Variants in RBMS3 observed in about 807,000 individuals in gnomAD.
The protein encoded by RBMS3 is RNA-binding motif, single-stranded-interacting protein 3.
RBMS3 carries 27 observed loss-of-function variants against 66.8 expected under a neutral mutation model. The ratio of observed to expected loss-of-function variants is 0.40; its 90% CI spans 0.30 to 0.56. The LOEUF (loss-of-function observed/expected upper bound fraction) is 0.56. RBMS3 is among the 20% of genes least tolerant of loss of function. The probability of loss-of-function intolerance (pLI) is 0.40; values close to 1 mark genes in which losing one functional copy is unlikely to be tolerated. For missense variants in RBMS3, 513 were observed against 549.5 expected, an observed-to-expected ratio of 0.93 and a Z score of 0.66; for synonymous variants, 188 against 183.0, an observed-to-expected ratio of 1.03 and a Z score of -0.22.
At chr3:29,327,389 G>A (rs148370707) in intron 1 of RBMS3, among the ~76,000 whole-genome samples, 21 of 152,236 alleles carry the variant, frequency 1.4e-4, no homozygotes, top group Non-Finnish European at 2.8e-4. Context: ...AATTGTAAAA[G>A]TTAAGGCTAC....
intron 14 of RBMS3, among the ~76,000 whole-genome samples, chr3:29,995,350 A>G (rs1699152011): frequency 6.6e-6 from 1 of 152,238 alleles, no homozygotes; most frequent in Non-Finnish European, 1.5e-5. Context: ...GCAGGATATT[A>G]TCCAGGAGAA....
intron 6 of RBMS3, among the ~76,000 whole-genome samples, chr3:29,856,608 GA>G (rs1199151024): frequency 6.6e-6 from 1 of 152,094 alleles, no homozygotes; most frequent in Non-Finnish European, 1.5e-5. Flanking sequence ...ACTCCCAGTG[GA>G]AAAATTGGTA....
intron 5 of RBMS3, among the ~76,000 whole-genome samples, chr3:29,762,019 A>G (rs1415612829): frequency 2.0e-5 from 3 of 152,118 alleles, no homozygotes; most frequent in Non-Finnish European, 4.4e-5. Context: ...ATTATCCATT[A>G]TTTGGAAACT....
At chr3:29,893,624 A>G (rs1051036743) in intron 8 of RBMS3, among the ~76,000 whole-genome samples, 1 of 151,510 alleles carries the variant, frequency 6.6e-6, no homozygotes, top group Non-Finnish European at 1.5e-5. Flanking sequence ...TACAAATAAG[A>G]TCTGTCAAAT....
At position 29,796,712 on chromosome 3, in the gene RBMS3, C is replaced by T. The variant is rs78846812; in HGVS notation, c.637+33723C>T. 2.3e-3 allele frequency among the ~76,000 whole-genome samples: 268 copies of T among 115,232 alleles called. 1 individual carries two copies. Among genetic ancestry groups the T allele is most frequent in the African/African-American group, 4.3e-3 (117 of 27,124 alleles). 75.6% of individuals were successfully genotyped at this position (115,232 alleles called of 152,430 possible). On this transcript the variant is annotated intron_variant, in intron 6 of 14. Transcript: ENST00000383767. ...TGAGAAGTAATATTTTGAAAGGAAT[C>T]TTTTTTTTTTTTTTTTTGGAGATGG...
chr3:29,681,904 C>A (rs1032743121), intron 4 of RBMS3, among the ~76,000 whole-genome samples: 1 of 152,062 alleles, frequency 6.6e-6, no homozygotes. Context: ...GTACTTCTGC[C>A]TCTAGGTCTT....
chr3:29,500,353 C>A (rs2043920908), intron 3 of RBMS3, among the ~76,000 whole-genome samples: 1 of 150,276 alleles, frequency 6.7e-6, no homozygotes, highest in Admixed American at 6.6e-5. Context: ...TAGAAATTTT[C>A]TCAGTCTATC....
In RBMS3 at chr3:29,922,360, G is replaced by A. The variant is rs1366170095; in HGVS notation, c.940-13726G>A. 2.6e-5 allele frequency among the ~76,000 whole-genome samples: 4 copies of A among 151,510 alleles called. 1 individual carries two copies. The highest frequency in any genetic ancestry group is 5.9e-5 in the Non-Finnish European group (4 of 67,844). ...AAATTAGCCGGGCGCGGTGGCGGGC[G>A]CCTGTAGTCCCAGCTACTCGGGAGG... On this transcript the variant is annotated intron_variant, in intron 10 of 14. Transcript: ENST00000383767.
chr3:29,553,332 A>T (rs1372082605), intron 3 of RBMS3, among the ~76,000 whole-genome samples: 1 of 152,178 alleles, frequency 6.6e-6, no homozygotes, highest in African/African-American at 2.4e-5. Context: ...GATCAACAGT[A>T]GTAGCAGAGA....
chr3:29,584,973 T>G (rs909459851), intron 3 of RBMS3, among the ~76,000 whole-genome samples: 2 of 152,148 alleles, frequency 1.3e-5, no homozygotes, highest in African/African-American at 4.8e-5. Flanking sequence ...AAATCTATAT[T>G]ATATGCTGTC....
At chr3:29,861,722 A>G (rs2059221911) in intron 6 of RBMS3, among the ~76,000 whole-genome samples, 1 of 152,246 alleles carries the variant, frequency 6.6e-6, no homozygotes, top group South Asian at 2.1e-4. Flanking sequence ...CCTATAAGCC[A>G]TCTGATCATT....
intron 12 of RBMS3, among the ~76,000 whole-genome samples, chr3:29,956,400 T>C (rs540975358): frequency 1.3e-5 from 2 of 152,232 alleles, no homozygotes; most frequent in Non-Finnish European, 1.5e-5. Flanking sequence ...CATTCCTCGC[T>C]ATCTTCTCTC....
intron 3 of RBMS3, among the ~76,000 whole-genome samples, chr3:29,510,372 A>C (rs765076908): frequency 1.7e-4 from 26 of 152,262 alleles, no homozygotes; most frequent in South Asian, 4.2e-4. Context: ...CCAGCTCATT[A>C]TTCTTCTTCC....
chr3:29,620,509 C>T lies in RBMS3; in HGVS notation c.399+33304C>T, dbSNP rs1159699265. Among the ~76,000 whole-genome samples, 3 of 152,206 alleles carry T rather than the reference C, an allele frequency of 2.0e-5. No individual in the cohort carries two copies. The East Asian group carries it at 5.8e-4, about 29-fold the overall frequency. On this transcript the variant is annotated intron_variant, in intron 4 of 14. Coordinates refer to ENST00000383767, the MANE Select transcript of RBMS3 (RefSeq NM_001003793.3). ...TACAATTACGATAAAACTCTTATGA[C>T]ATGGGTCACTGTTCTTTAATTGAGG...
rs900921682 is a variant in RBMS3 at position 30,005,619 on chromosome 3, CTCTG to C, written c.*1761_*1764del. On this transcript the variant is annotated 3_prime_UTR_variant, in exon 15 of 15. Transcript: ENST00000383767. ...ACACCTCTGGGTTTTGTCTTTACACCTCTGTCTTTGTCATCACCTACCATGAATA... is the reference window on the plus strand; with the variant it reads ...ACACCTCTGGGTTTTGTCTTTACACCTCTTTGTCATCACCTACCATGAATA... 6.6e-6 allele frequency: 1 copy of C among 151,818 alleles called. No individual in the cohort carries two copies. The highest frequency in any genetic ancestry group is 2.4e-5 in the African/African-American group (1 of 41,390). The allele number at this position is 151,818 out of a possible 1,614,324, so 9.4% of individuals were successfully genotyped here. A position where few individuals can be genotyped will look rare whatever the true frequency, so the allele number is the denominator to read the frequency against.
rs149723856 is a variant in RBMS3, at chr3:29,550,357, A to T, written c.308-36757A>T. On this transcript the variant is annotated intron_variant, in intron 3 of 14. Transcript: ENST00000383767. ...AATATAGGATGCTCAATTAAATTTG[A>T]ATTTCAAGTAGACACAATGTTTTTA... is the stretch of plus-strand genomic sequence containing the variant. Among the ~76,000 whole-genome samples the T allele has an allele frequency of 1.0e-3, 155 of 152,316 alleles. 1 individual carries two copies. Among genetic ancestry groups the T allele is most frequent in the African/African-American group, 3.6e-3 (151 of 41,580 alleles).
chr3:29,591,167 C>A (rs13071421), intron 4 of RBMS3, among the ~76,000 whole-genome samples: 64,439 of 152,028 alleles, frequency 0.42, 14,296 homozygotes, highest in Middle Eastern at 0.51. Flanking sequence ...GGCTATCCAG[C>A]ATCCATGACA....
rs71091081 is a variant in RBMS3 at position 29,853,423 on chromosome 3, C to CTTTTTTT, written c.638-15419_638-15413dup. On this transcript the variant is annotated intron_variant, in intron 6 of 14. Transcript: ENST00000383767. ...TGTATCTTAAGCTACAATTTACTTT[C>CTTTTTTT]TTTTTTTTTTTTTTTTTTTTTTGCA... Among the ~76,000 whole-genome samples, 361 of 84,478 alleles carry CTTTTTTT rather than the reference C, an allele frequency of 4.3e-3. 17 individuals carry two copies. The highest frequency in any genetic ancestry group is 0.019 in the East Asian group (52 of 2,678). 55.4% of individuals were successfully genotyped at this position (84,478 alleles called of 152,430 possible).
chr3:29,340,817 G>T (rs1007939645), intron 1 of RBMS3, among the ~76,000 whole-genome samples: 1 of 152,060 alleles, frequency 6.6e-6, no homozygotes, highest in Non-Finnish European at 1.5e-5. Flanking sequence ...AGAAATGGTA[G>T]CAAATAAAGT....
Sources: gnomAD v4.1 joint callset for allele counts (sites outside exome capture counted in the v4.1 genomes callset) on GRCh38, gnomAD v4.1.1 for gene constraint, MANE v1.5 for transcripts, NCBI Gene and HGNC (gene_info 2026-07-23, HGNC 2026-07-21) for gene names.